Variants in FUT8 observed in about 807,000 individuals in gnomAD.
FUT8 encodes the protein alpha-(1,6)-fucosyltransferase.
Under a neutral mutation model 71.3 loss-of-function variants are expected in FUT8, and 29 were observed. The ratio of observed to expected loss-of-function variants is 0.41; its 90% CI spans 0.30 to 0.55. FUT8 has a LOEUF of 0.55. Among genes scored for constraint, FUT8 ranks in the 20% least tolerant of loss-of-function variants. The probability of loss-of-function intolerance (pLI) is 0.34; values close to 1 mark genes in which losing one functional copy is unlikely to be tolerated. For synonymous variants in FUT8, 254 were observed against 239.3 expected, an observed-to-expected ratio of 1.06 and a Z score of -0.57; for missense variants, 544 against 702.1, an observed-to-expected ratio of 0.77 and a Z score of 2.55.
intron 6 of FUT8, among the ~76,000 whole-genome samples, chr14:65,639,353 G>A (rs1291619518): frequency 1.3e-5 from 2 of 152,142 alleles, no homozygotes; most frequent in South Asian, 2.1e-4. Flanking sequence ...CAATTGAATA[G>A]TTCATTGGTG....
intron 2 of FUT8, among the ~76,000 whole-genome samples, chr14:65,491,056 A>G (rs2066475245): frequency 6.6e-6 from 1 of 152,168 alleles, no homozygotes; most frequent in Non-Finnish European, 1.5e-5. Context: ...ACTTGCCTGT[A>G]TTTGCATTGG....
chr14:65,609,407 T>C (rs1235295506), intron 3 of FUT8, among the ~76,000 whole-genome samples: 1 of 151,948 alleles, frequency 6.6e-6, no homozygotes, highest in Non-Finnish European at 1.5e-5. Context: ...TTATCAATTT[T>C]TTCTTTTGTG....
rs769250336 is a variant in FUT8 at position 65,742,357 on chromosome 14, C to G, written c.1675C>G (p.Arg559Gly). The change falls in exon 11 of 11, where the codon CGA becomes GGA. Residue 559 changes from arginine (R) to glycine (G), a missense_variant. Arg to Gly is a moderately radical substitution (Grantham distance 125, BLOSUM62 -2). Transcript: ENST00000673929. ...RTGLYPSYKVREKIETVKYPT... is the reference protein window; with the variant it reads ...RTGLYPSYKVGEKIETVKYPT... ...GGGCCTATATCCCTCCTACAAAGTT[C>G]GAGAGAAGATAGAAACGGTCAAGTA... The G allele has an allele frequency of 1.9e-6, 3 of 1,612,520 alleles. No homozygotes were observed. Among genetic ancestry groups the G allele is most frequent in the Non-Finnish European group, 1.7e-6 (2 of 1,179,176 alleles).
chr14:65,418,879 G>T (rs2065255076), intron 1 of FUT8, among the ~76,000 whole-genome samples: 1 of 152,042 alleles, frequency 6.6e-6, no homozygotes, highest in Non-Finnish European at 1.5e-5. Context: ...TTTTGAGGTG[G>T]TAGGCAAGAG....
chr14:65,650,760 T>C (rs1364487224), intron 6 of FUT8, among the ~76,000 whole-genome samples: 2 of 151,672 alleles, frequency 1.3e-5, no homozygotes, highest in East Asian at 1.9e-4. Context: ...TAATTTCCTA[T>C]TTTTTGTGTG....
intron 2 of FUT8, among the ~76,000 whole-genome samples, chr14:65,525,096 T>G (rs1278177796): frequency 1.3e-5 from 2 of 152,194 alleles, no homozygotes; most frequent in African/African-American, 4.8e-5. Flanking sequence ...TTAGGGAGGA[T>G]TTCCTCTTTT....
At chr14:65,632,394 T>C (rs193153168) in intron 6 of FUT8, among the ~76,000 whole-genome samples, 93 of 152,340 alleles carry the variant, frequency 6.1e-4, no homozygotes, top group African/African-American at 1.9e-3. Flanking sequence ...TCTACTGTTT[T>C]TTGATTTTTT....
chr14:65,541,240 AG>A (rs1248776659), intron 2 of FUT8, among the ~76,000 whole-genome samples: 2 of 152,242 alleles, frequency 1.3e-5, no homozygotes, highest in East Asian at 3.8e-4. Flanking sequence ...CGTAATTGTC[AG>A]GGTTGTCTAG....
At chr14:65,715,629 T>C (rs1895017905) in intron 7 of FUT8, among the ~76,000 whole-genome samples, 1 of 152,250 alleles carries the variant, frequency 6.6e-6, no homozygotes, top group African/African-American at 2.4e-5. Flanking sequence ...GCTTTCACTG[T>C]ATCCCATAGG....
Position 65,523,060 on chromosome 14 carries a change from A to G in FUT8, c.-227-38277A>G, listed in dbSNP as rs921123898. Among the ~76,000 whole-genome samples, 13 of 152,196 alleles carry G rather than the reference A, an allele frequency of 8.5e-5. 1 individual carries two copies. Among genetic ancestry groups the G allele is most frequent in the Non-Finnish European group, 1.5e-5 (1 of 68,044 alleles). ...CGTGTGCATGTGTCTTTATAGCAGCATGATTTATAATCCTTTGGGTATATA... is the reference window on the plus strand; with the variant it reads ...CGTGTGCATGTGTCTTTATAGCAGCGTGATTTATAATCCTTTGGGTATATA... On this transcript the variant is annotated intron_variant, in intron 2 of 10. Transcript: ENST00000673929.
intron 1 of FUT8, among the ~76,000 whole-genome samples, chr14:65,449,439 A>G (rs1370405225): frequency 6.6e-6 from 1 of 152,116 alleles, no homozygotes; most frequent in African/African-American, 2.4e-5. Flanking sequence ...TCTTTTTGCC[A>G]AAACAGAAAG....
At chr14:65,393,489 A>G in the FUT8 span, among the ~76,000 whole-genome samples, 1 of 152,324 alleles carries the variant, frequency 6.6e-6, no homozygotes, top group South Asian at 2.1e-4. Flanking sequence ...GAACACAGGT[A>G]TGAGAAGACA....
chr14:65,397,506 G>A, the FUT8 span, among the ~76,000 whole-genome samples: 1 of 152,252 alleles, frequency 6.6e-6, no homozygotes, highest in Non-Finnish European at 1.5e-5. The surrounding 1 kb of genome is among the most constrained non-coding windows in gnomAD (Gnocchi z 4.2). Context: ...CCATGTCAGT[G>A]TGGGTTTTCT....
At chr14:65,520,340 A>G (rs747518049) in intron 2 of FUT8, among the ~76,000 whole-genome samples, 5 of 152,018 alleles carry the variant, frequency 3.3e-5, no homozygotes, top group Non-Finnish European at 7.4e-5. Context: ...TAATCTAAAG[A>G]TTTATTTTGG....
chr14:65,463,389 C>G (rs1471673017), intron 2 of FUT8, among the ~76,000 whole-genome samples: 1 of 152,128 alleles, frequency 6.6e-6, no homozygotes, highest in Non-Finnish European at 1.5e-5. Context: ...ACATCAGCCT[C>G]CTGAGTTGCT....
chr14:65,609,951 AT>A (rs1243477312), intron 3 of FUT8, among the ~76,000 whole-genome samples: 4 of 151,138 alleles, frequency 2.6e-5, no homozygotes, highest in African/African-American at 4.9e-5. Context: ...TTGATACTTA[AT>A]TTTTTTCATT....
At chr14:65,412,277 G>C (rs761470561), upstream of FUT8, 18 of 403,200 alleles carry the variant, frequency 4.5e-5, 1 homozygote, top group Middle Eastern at 3.7e-4. Context: ...CAGGGGCTGA[G>C]CAGCAGCAGC....
Position 65,743,080 on chromosome 14 carries a change from T to C in FUT8, c.*670T>C, listed in dbSNP as rs991079349. On this transcript the variant is annotated 3_prime_UTR_variant, in exon 11 of 11. Transcript: ENST00000673929. ...TTGTAAAACAATGCCATGAACAAAT[T>C]CTTTAGTACTCAATGTTTCTGGACA... The C allele has an allele frequency of 6.6e-6, 1 of 152,292 alleles. No individual in the cohort carries two copies. The highest frequency in any genetic ancestry group is 2.4e-5 in the African/African-American group (1 of 41,388). 9.4% of individuals were successfully genotyped at this position (152,292 alleles called of 1,614,324 possible).
chr14:65,711,546 G>A (rs572788451), intron 7 of FUT8, among the ~76,000 whole-genome samples: 5 of 151,654 alleles, frequency 3.3e-5, no homozygotes, highest in Admixed American at 1.3e-4. Flanking sequence ...TTTCTTACAT[G>A]CATGTACTAT....
Sources: allele counts gnomAD v4.1 joint callset (sites outside exome capture counted in the v4.1 genomes callset), GRCh38; gene constraint gnomAD v4.1.1; non-coding constraint Gnocchi (gnomAD v3.1); transcripts MANE v1.5; gene names NCBI Gene and HGNC (gene_info 2026-07-23, HGNC 2026-07-21).